The following SLC6A13 variants were observed in gnomAD, a reference collection of about 807,000 sequenced individuals.
SLC6A13 encodes the protein solute carrier family 6 member 13.
In SLC6A13, 69 loss-of-function variants were observed where a neutral mutation model predicts 72.9. The observed-to-expected ratio is 0.95, with a 90% CI of 0.78 to 1.16. SLC6A13 has a LOEUF of 1.16. Ranked by LOEUF, SLC6A13 falls within the 50% of genes most tolerant of loss-of-function variation. SLC6A13 has a pLI of 0.00. For synonymous variants in SLC6A13, 303 were observed against 303.0 expected (o/e 1.00, Z 0.00); for missense variants, 735 against 760.5 (o/e 0.97, Z 0.39).
At chr12:243,153 G>A (rs1942228870) in intron 3 of SLC6A13, among the ~76,000 whole-genome samples, 1 of 152,012 alleles carries the variant, frequency 6.6e-6, no homozygotes, top group South Asian at 2.1e-4. Context: ...AGGATTACCG[G>A]TGCCCACCAC....
chr12:238,421 G>T, intron 4 of SLC6A13: 1 of 967,474 alleles, frequency 1.0e-6, no homozygotes. Context: ...CTTGAATGCT[G>T]ACCCCACGGG....
chr12:260,025 T>C lies in SLC6A13; in HGVS notation c.28A>G (p.Ser10Gly). The change falls in exon 2 of 15, where the codon AGT becomes GGT. Residue 10 changes from serine to glycine, a missense_variant. Ser to Gly is a moderately conservative substitution (Grantham distance 56). Coordinates refer to ENST00000343164, the MANE Select transcript of SLC6A13 (RefSeq NM_016615.5). ...TACACTGGTTTTGTCTCTCCATTACTGGTTGTGCCTGAGACCCTGCTATCC... is the reference window on the plus strand; with the variant it reads ...TACACTGGTTTTGTCTCTCCATTACCGGTTGTGCCTGAGACCCTGCTATCC... Reference protein sequence around the residue: MDSRVSGTTSNGETKPVYPV... With the variant: MDSRVSGTTGNGETKPVYPV... 1 of 1,614,108 alleles carries C rather than the reference T, an allele frequency of 6.2e-7. No homozygotes were observed. Among genetic ancestry groups the C allele is most frequent in the Non-Finnish European group, 8.5e-7 (1 of 1,179,950 alleles).
intron 2 of SLC6A13, among the ~76,000 whole-genome samples, chr12:251,692 C>G (rs1942554798): frequency 6.6e-6 from 1 of 152,282 alleles, no homozygotes; most frequent in South Asian, 2.1e-4. Flanking sequence ...GTGGCTCACG[C>G]CTGTAATCCC....
chr12:240,966 G>T (rs1455027227), intron 4 of SLC6A13, among the ~76,000 whole-genome samples: 1 of 152,176 alleles, frequency 6.6e-6, no homozygotes, highest in Admixed American at 6.5e-5. Context: ...GCTTTTCCGG[G>T]CAAGTAAAGG....
intron 2 of SLC6A13, among the ~76,000 whole-genome samples, chr12:246,042 C>G: frequency 6.6e-6 from 1 of 150,518 alleles, no homozygotes; most frequent in Non-Finnish European, 1.5e-5. Context: ...GGCGTGAACC[C>G]AGGAGGCGGA....
At chr12:224,265 G>C in intron 10 of SLC6A13, 136 bp from the exon 11 acceptor site, 1 of 1,364,972 alleles carries the variant, frequency 7.3e-7, no homozygotes, top group Non-Finnish European at 1.0e-6. Context: ...GTCCTTGCCT[G>C]GTTAGGTCAG....
Position 232,982 on chromosome 12 carries a change from C to T in SLC6A13, c.831+2108G>A, listed in dbSNP as rs187913733. Among the ~76,000 whole-genome samples, 170 of 151,854 alleles carry T rather than the reference C, an allele frequency of 1.1e-3. 1 individual carries two copies. Among genetic ancestry groups the T allele is most frequent in the African/African-American group, 3.4e-3 (140 of 41,126 alleles). The stretch of plus-strand genomic sequence containing the variant: ...GAGCTCCCAGCCTCAGTGTGCCTGT[C>T]GCCTCTCTTGCTCCCTGTCAGCAAC... On this transcript the variant is annotated intron_variant, in intron 7 of 14. Transcript: ENST00000343164.
At chr12:246,336 A>T (rs909459074) in intron 2 of SLC6A13, among the ~76,000 whole-genome samples, 1 of 151,986 alleles carries the variant, frequency 6.6e-6, no homozygotes, top group African/African-American at 2.4e-5. Flanking sequence ...TAAATAAATA[A>T]ATAAATTATC....
At position 227,552 on chromosome 12, in the gene SLC6A13, C is replaced by T. The variant is rs370019196; in HGVS notation, c.935+13G>A. On this transcript the variant is annotated intron_variant, in intron 8 of 14. Transcript: ENST00000343164. ...ATGCAGGTGTGTGGCTCAGGCCCCA[C>T]GCCCCCAATCACCTGTAGCAGTTGT... 75 of 1,613,610 alleles carry T rather than the reference C, an allele frequency of 4.6e-5. No individual in the cohort carries two copies. In the East Asian group the frequency reaches 4.7e-4, roughly 10 times the overall value.
intron 2 of SLC6A13, among the ~76,000 whole-genome samples, chr12:248,403 G>GAA (rs35297718): frequency 4.0e-5 from 4 of 100,446 alleles, no homozygotes; most frequent in African/African-American, 7.9e-5. Context: ...CTCCGTCTCG[G>GAA]AAAAAAAAAA....
rs61738753 is a variant in SLC6A13, at chr12:221,001, C to T, written c.1756G>A (p.Ala586Thr). The change falls in exon 15 of 15, where the codon GCC becomes ACC. Residue 586 changes from alanine to threonine, a missense_variant. Ala to Thr is a moderately conservative substitution (Grantham distance 58, BLOSUM62 0). Transcript: ENST00000343164. ...CTGAGCAGTGAGGTCCTGGGGGTGG[C>T]GGGAGCCGAGGGTCCTGCTGGGTTC... ...QRNPAGPSAP[A>T]TPRTSLLRLT... The T allele has an allele frequency of 2.6e-4, 419 of 1,612,544 alleles. 1 individual carries two copies. The African/African-American group carries it at 4.8e-3, about 19-fold the overall frequency.
intron 2 of SLC6A13, among the ~76,000 whole-genome samples, chr12:250,132 G>C (rs1283284476): frequency 1.3e-5 from 2 of 152,112 alleles, no homozygotes; most frequent in African/African-American, 4.8e-5. Flanking sequence ...ATGAGGAGAA[G>C]AGAACTTCCT....
At position 224,147 on chromosome 12, in the gene SLC6A13, G is replaced by A. The variant is rs1941338131; in HGVS notation, c.1174-18C>T. The stretch of plus-strand genomic sequence containing the variant: ...CACACAAACTGGATGACAGGGCAAA[G>A]GGATTGGAGGGAAGGAGAGCTCCCG... On this transcript the variant is annotated intron_variant, in intron 10 of 14. Transcript: ENST00000343164. 9.9e-6 allele frequency: 16 copies of A among 1,613,696 alleles called. No individual in the cohort carries two copies. The highest frequency in any genetic ancestry group is 1.2e-5 in the Non-Finnish European group (14 of 1,179,718).
At chr12:222,289 C>G (rs141256408) in intron 13 of SLC6A13, among the ~76,000 whole-genome samples, 47 of 152,324 alleles carry the variant, frequency 3.1e-4, no homozygotes, top group African/African-American at 1.1e-3. Context: ...TGACGTTAGA[C>G]TCACACTGTG....
intron 7 of SLC6A13, among the ~76,000 whole-genome samples, chr12:230,981 G>C (rs1005745462): frequency 2.6e-5 from 4 of 152,240 alleles, no homozygotes; most frequent in African/African-American, 9.6e-5. Context: ...GGTGATTTCA[G>C]CTTCCTCCCT....
intron 7 of SLC6A13, among the ~76,000 whole-genome samples, chr12:229,946 A>G (rs1941638038): frequency 6.6e-6 from 1 of 152,104 alleles, no homozygotes; most frequent in Admixed American, 6.5e-5. Context: ...GTTAATGAGA[A>G]CTAAGGAAAA....
intron 4 of SLC6A13, 114 bp from the exon 5 acceptor site, chr12:238,124 G>A: frequency 3.9e-6 from 6 of 1,555,940 alleles, no homozygotes; most frequent in East Asian, 2.3e-5. Context: ...TTTGGCAGGA[G>A]CCAGGCTAAG....
chr12:237,402 C>T, intron 5 of SLC6A13, 112 bp from the exon 6 acceptor site: 2 of 1,182,630 alleles, frequency 1.7e-6, no homozygotes, highest in Non-Finnish European at 2.4e-6. Context: ...CCAAAGGCTT[C>T]TCTGCTCTCT....
chr12:258,266 C>A (rs1053025012), intron 2 of SLC6A13, among the ~76,000 whole-genome samples: 1 of 152,190 alleles, frequency 6.6e-6, no homozygotes, highest in Non-Finnish European at 1.5e-5. Context: ...AACCCAGGGA[C>A]AATCCCCAGT....
Sources: gnomAD v4.1 joint callset for allele counts (sites outside exome capture counted in the v4.1 genomes callset) on GRCh38, gnomAD v4.1.1 for gene constraint, MANE v1.5 for transcripts, NCBI Gene and HGNC (gene_info 2026-07-23, HGNC 2026-07-21) for gene names.